FCN1: variants seen among roughly 807,000 people sequenced by gnomAD.
FCN1 encodes ficolin-1.
A neutral mutation model predicts 35.6 loss-of-function variants in FCN1; 42 were observed. The observed-to-expected ratio is 1.18, with a 90% CI of 0.92 to 1.53. The LOEUF (loss-of-function observed/expected upper bound fraction) is 1.53, where lower values mean the gene tolerates loss of function less well. FCN1 is among the 40% of genes most tolerant of loss of function. The pLI, the probability that FCN1 is intolerant of heterozygous loss-of-function variation, is 0.00. For missense variants in FCN1, 439 were observed against 428.4 expected (o/e 1.02, Z -0.22); for synonymous variants, 179 against 169.8 (o/e 1.05, Z -0.42).
At chr9:134,912,337 G>T (rs1038201446) in intron 7 of FCN1, 149 bp downstream of exon 7, 3 of 762,516 alleles carry the variant, frequency 3.9e-6, no homozygotes, top group Non-Finnish European at 6.1e-6. Context: ...GGCAGGGGAC[G>T]CAGCCCTTAG....
rs574679109 is a variant in FCN1 at position 134,911,238 on chromosome 9, C to T, written c.628G>A (p.Asp210Asn). 3.1e-6 allele frequency: 5 copies of T among 1,614,080 alleles called. No individual in the cohort carries two copies. The African/African-American group carries it at 4.0e-5, about 13-fold the overall frequency. The change falls in exon 8 of 9, where the codon GAC becomes AAC. Residue 210 changes from aspartate to asparagine, a missense_variant. Transcript: ENST00000371806. ...GSSELRVDLV[D>N]FEGNHQFAKY... ...GCAAACTGGTGGTTGCCCTCAAAGT[C>T]CACCAGGTCTACACGGAGCTCGCTG...
Position 134,912,362 on chromosome 9 carries a change from C to T in FCN1, c.598+124G>A. On this transcript the variant is annotated intron_variant, in intron 7 of 8. Transcript: ENST00000371806. ...GCAGCCCTTAGAGGTCCCAGTGCCA[C>T]CTGAGTGTGCTCAGGGCCCAATCCC... The T allele has an allele frequency of 1.7e-5, 17 of 1,005,148 alleles. No homozygotes were observed. In the South Asian group the frequency reaches 2.7e-4, roughly 16 times the overall value. The allele number at this position is 1,005,148 out of a possible 1,614,324, so 62.3% of individuals were successfully genotyped here.
rs546732453 is a variant in FCN1, at chr9:134,909,698, G to A, written c.*100C>T. The A allele has an allele frequency of 6.6e-5, 105 of 1,596,184 alleles. 1 individual carries two copies. In the South Asian group the frequency reaches 1.1e-3, roughly 16 times the overall value. On this transcript the variant is annotated 3_prime_UTR_variant, in exon 9 of 9. Transcript: ENST00000371806. The stretch of plus-strand genomic sequence containing the variant: ...CAAAGGGGCAGCTGTGGGCGTCATG[G>A]GAGTGTGTCTGGCTGGGGAAATGGG...
rs1196382253 is a variant in FCN1 at position 134,909,555 on chromosome 9, T to G, written c.*243A>C. On this transcript the variant is annotated 3_prime_UTR_variant, in exon 9 of 9. Coordinates refer to ENST00000371806, the MANE Select transcript of FCN1 (RefSeq NM_002003.5). ...AGGAAAGTGATCAAAACCACTGGTGTTCAAGAAACACACATTGAAACTGGT... is the reference window on the plus strand; with the variant it reads ...AGGAAAGTGATCAAAACCACTGGTGGTCAAGAAACACACATTGAAACTGGT... The G allele has an allele frequency of 7.0e-7, 1 of 1,429,922 alleles. No homozygotes were observed. The highest frequency in any genetic ancestry group is 2.1e-5 in the Admixed American group (1 of 47,568). 88.6% of individuals were successfully genotyped at this position (1,429,922 alleles called of 1,614,324 possible).
Position 134,911,259 on chromosome 9 carries a change from C to T in FCN1, c.607G>A (p.Glu203Lys), listed in dbSNP as rs200874456. The change falls in exon 8 of 9, where the codon GAG (glutamate) becomes AAG (lysine). Residue 203 changes from glutamate to lysine, a missense_variant. Glu to Lys is a moderately conservative substitution (Grantham distance 56). Coordinates refer to ENST00000371806, the MANE Select transcript of FCN1 (RefSeq NM_002003.5). ...AAGTCCACCAGGTCTACACGGAGCTCGCTGCTTCCTGTTGGAAAAAGATTT... is the reference window on the plus strand; with the variant it reads ...AAGTCCACCAGGTCTACACGGAGCTTGCTGCTTCCTGTTGGAAAAAGATTT... ...IHALTAQGSS[E>K]LRVDLVDFEG... 5.2e-5 allele frequency: 84 copies of T among 1,614,032 alleles called. 1 individual carries two copies. Among genetic ancestry groups the T allele is most frequent in the South Asian group, 7.7e-5 (7 of 91,074 alleles).
Position 134,914,740 on chromosome 9 carries a change from T to C in FCN1, c.271+16A>G, listed in dbSNP as rs1831070522. On this transcript the variant is annotated intron_variant, in intron 3 of 8. Coordinates refer to ENST00000371806, the MANE Select transcript of FCN1 (RefSeq NM_002003.5). ...GTCCCTGCTCAAGGCCTCCTCGCTG[T>C]CTGTCCCCTGGTTACCTTTGGGCCC... The C allele has an allele frequency of 6.2e-7, 1 of 1,605,342 alleles. No homozygotes were observed.
chr9:134,915,264 C>T (rs888974856), intron 2 of FCN1, among the ~76,000 whole-genome samples: 9 of 152,172 alleles, frequency 5.9e-5, no homozygotes, highest in South Asian at 2.1e-4. Context: ...TTCCACCGTG[C>T]GCCTGAGCTC....
intron 1 of FCN1, among the ~76,000 whole-genome samples, chr9:134,916,710 G>C (rs1831097169): frequency 6.6e-6 from 1 of 152,246 alleles, no homozygotes; most frequent in African/African-American, 2.4e-5. Context: ...TGCCAAGCGG[G>C]GATAATAACA....
In FCN1 at chr9:134,914,896, A is replaced by C; in HGVS notation, c.218-87T>G. On this transcript the variant is annotated intron_variant, in intron 2 of 8. Transcript: ENST00000371806. ...CTTTGCCCCAAGTGGTTAAGTCCTGACCCTCCCCCACTCTGCCTTGAACCC... is the reference window on the plus strand; with the variant it reads ...CTTTGCCCCAAGTGGTTAAGTCCTGCCCCTCCCCCACTCTGCCTTGAACCC... The C allele has an allele frequency of 4.1e-6, 4 of 968,378 alleles. No individual in the cohort carries two copies. The East Asian group carries it at 1.0e-4, about 25-fold the overall frequency. 60.0% of individuals were successfully genotyped at this position (968,378 alleles called of 1,614,324 possible).
intron 2 of FCN1, among the ~76,000 whole-genome samples, chr9:134,915,974 A>G (rs1180485223): frequency 6.6e-6 from 1 of 152,138 alleles, no homozygotes; most frequent in African/African-American, 2.4e-5. Flanking sequence ...TTTGAGTCTC[A>G]GTTTTCCCAT....
intron 2 of FCN1, among the ~76,000 whole-genome samples, chr9:134,915,614 C>T (rs149240218): frequency 3.9e-5 from 6 of 152,296 alleles, no homozygotes; most frequent in South Asian, 4.1e-4. Flanking sequence ...AGCCTAGACA[C>T]GTCAGTGAAA....
Position 134,912,488 on chromosome 9 carries a change from T to A in FCN1, c.596A>T (p.Gln199Leu). ...GNDNIHALTA[Q>L]GSSELRVDLV... ...CTGAGCCACGGCAGTGGCCCTACCC[T>A]GGGCAGTCAGGGCGTGGATGTTGTC... The change falls in exon 7 of 9, where the codon CAG (glutamine) becomes CTG (leucine). Residue 199 changes from glutamine to leucine, a missense_variant and splice_region_variant. Transcript: ENST00000371806. 6.2e-7 allele frequency: 1 copy of A among 1,613,814 alleles called. No individual in the cohort carries two copies. Among genetic ancestry groups the A allele is most frequent in the Non-Finnish European group, 8.5e-7 (1 of 1,179,848 alleles).
At chr9:134,917,147 T>G (rs1031911071) in intron 1 of FCN1, among the ~76,000 whole-genome samples, 8 of 152,364 alleles carry the variant, frequency 5.3e-5, no homozygotes, top group Middle Eastern at 3.4e-3. Flanking sequence ...TTGGGGTATT[T>G]CCTTTCTGTG....
At position 134,907,737 on chromosome 9, in the gene FCN1, A is replaced by T. The variant is rs1195134408; in HGVS notation, c.*2061T>A. On this transcript the variant is annotated 3_prime_UTR_variant, in exon 9 of 9. Coordinates refer to ENST00000371806, the MANE Select transcript of FCN1 (RefSeq NM_002003.5). The stretch of plus-strand genomic sequence containing the variant: ...TCTTGAACAGGCTCCTTTTGCTGCC[A>T]TGTTTGTGAGACTCATGCTCCTTGT... 4 of 152,214 alleles carry T rather than the reference A, an allele frequency of 2.6e-5. No homozygotes were observed. The highest frequency in any genetic ancestry group is 9.7e-5 in the African/African-American group (4 of 41,446). 9.4% of individuals were successfully genotyped at this position (152,214 alleles called of 1,614,324 possible).
chr9:134,917,668 A>C (rs187754557), intron 1 of FCN1, 101 bp downstream of exon 1: 1 of 737,024 alleles, frequency 1.4e-6, no homozygotes, highest in African/African-American at 1.7e-5. Context: ...GGGCATCTTC[A>C]CAGGAAGATG....
Position 134,909,515 on chromosome 9 carries a change from C to A in FCN1, c.*283G>T. On this transcript the variant is annotated 3_prime_UTR_variant, in exon 9 of 9. Transcript: ENST00000371806. ...TTACCAAATTCCAGGGAAAGACCTGCCGTGCAACAGACACAGGAAAGTGAT... is the reference window on the plus strand; with the variant it reads ...TTACCAAATTCCAGGGAAAGACCTGACGTGCAACAGACACAGGAAAGTGAT... 1 of 1,356,110 alleles carries A rather than the reference C, an allele frequency of 7.4e-7. No individual in the cohort carries two copies. Among genetic ancestry groups the A allele is most frequent in the Non-Finnish European group, 9.7e-7 (1 of 1,032,406 alleles). 84.0% of individuals were successfully genotyped at this position (1,356,110 alleles called of 1,614,324 possible). A position where few individuals can be genotyped will look rare whatever the true frequency, so the allele number is the denominator to read the frequency against.
In FCN1 at chr9:134,909,874, T is replaced by C. The variant is rs1259846887; in HGVS notation, c.905A>G (p.Asn302Ser). 3 of 1,614,098 alleles carry C rather than the reference T, an allele frequency of 1.9e-6. No individual in the cohort carries two copies. The highest frequency in any genetic ancestry group is 3.3e-5 in the Admixed American group (2 of 60,014). Reference protein sequence around the residue: ...YLMGPHESYANGINWSAAKGY... With the variant: ...YLMGPHESYASGINWSAAKGY... ...CTTCGCCGCACTCCAGTTGATACCA[T>C]TGGCATAGCTCTCATGGGGTCCCAT... Residue 302 changes from asparagine (N) to serine (S), a missense_variant, in exon 9 of 9, where the codon AAT (asparagine) becomes AGT (serine). Asn to Ser is a conservative substitution (Grantham distance 46, BLOSUM62 1). Coordinates refer to ENST00000371806, the MANE Select transcript of FCN1 (RefSeq NM_002003.5).
In FCN1 at chr9:134,911,275, A is replaced by T. The variant is rs888802491; in HGVS notation, c.599-8T>A. ...CACGGAGCTCGCTGCTTCCTGTTGG[A>T]AAAAGATTTTAAGGCCCCAGCCTTT... On this transcript the variant is annotated splice_polypyrimidine_tract_variant and splice_region_variant and intron_variant, in intron 7 of 8. Coordinates refer to ENST00000371806, the MANE Select transcript of FCN1 (RefSeq NM_002003.5). 1 of 1,613,856 alleles carries T rather than the reference A, an allele frequency of 6.2e-7. No individual in the cohort carries two copies. The highest frequency in any genetic ancestry group is 8.5e-7 in the Non-Finnish European group (1 of 1,179,794).
At chr9:134,913,444 C>T in intron 5 of FCN1, 137 bp downstream of exon 5, 1 of 708,550 alleles carries the variant, frequency 1.4e-6, no homozygotes. Flanking sequence ...GATAGCTGCC[C>T]ATTACTCGAG....
Sources: allele counts gnomAD v4.1 joint callset (sites outside exome capture counted in the v4.1 genomes callset), GRCh38; gene constraint gnomAD v4.1.1; transcripts MANE v1.5; gene names NCBI Gene and HGNC (gene_info 2026-07-23, HGNC 2026-07-21).